The following CHST11 variants were observed in gnomAD, a reference collection of about 807,000 sequenced individuals.
CHST11 encodes C4S-1.
CHST11 carries 9 observed loss-of-function variants against 30.4 expected under a neutral mutation model. The observed-to-expected ratio is 0.30, with a 90% confidence interval of 0.18 to 0.52. The LOEUF (loss-of-function observed/expected upper bound fraction) is 0.52. CHST11 is among the 20% of genes least tolerant of loss of function. The pLI is 0.97. For missense variants in CHST11, 348 were observed against 460.6 expected, an observed-to-expected ratio of 0.76 and a Z score of 2.24; for synonymous variants, 152 against 187.8, an observed-to-expected ratio of 0.81 and a Z score of 1.56.
At chr12:104,697,804 C>A (rs2039959712) in intron 2 of CHST11, among the ~76,000 whole-genome samples, 1 of 152,198 alleles carries the variant, frequency 6.6e-6, no homozygotes, top group Admixed American at 6.5e-5. Flanking sequence ...TTCCTCAGGG[C>A]TCCTGGAGAT....
chr12:104,515,720 G>A (rs1393792182), intron 1 of CHST11, among the ~76,000 whole-genome samples: 2 of 152,240 alleles, frequency 1.3e-5, no homozygotes, highest in East Asian at 3.9e-4. Flanking sequence ...AAGGGCAGGG[G>A]GAGAGAGTGG....
At chr12:104,698,475 A>G (rs935692061) in intron 2 of CHST11, among the ~76,000 whole-genome samples, 1 of 152,194 alleles carries the variant, frequency 6.6e-6, no homozygotes, top group Non-Finnish European at 1.5e-5. Context: ...CCGTAGAGTT[A>G]TCTACCTATC....
At position 104,466,487 on chromosome 12, in the gene CHST11, A is replaced by G. The variant is rs548506686; in HGVS notation, c.118+8958A>G. 2.6e-4 allele frequency among the ~76,000 whole-genome samples: 39 copies of G among 152,362 alleles called. No homozygotes were observed. The South Asian group carries it at 3.1e-3, about 12-fold the overall frequency. On this transcript the variant is annotated intron_variant, in intron 1 of 2. Coordinates refer to ENST00000303694, the MANE Select transcript of CHST11 (RefSeq NM_018413.6). ...TCGTGACCCCATCTCCATGCTTGCC[A>G]GCGGCCAAACAGCCCCAAAGGCAAG... is the stretch of plus-strand genomic sequence containing the variant.
At position 104,544,775 on chromosome 12, in the gene CHST11, CA is replaced by C. The variant is rs559244135; in HGVS notation, c.119-57130del. 5.0e-4 allele frequency among the ~76,000 whole-genome samples: 61 copies of C among 120,842 alleles called. 17 individuals are homozygous for C. The South Asian group carries it at 0.019, about 38-fold the overall frequency. 79.3% of individuals were successfully genotyped at this position (120,842 alleles called of 152,430 possible). A position where few individuals can be genotyped will look rare whatever the true frequency, so the allele number is the denominator to read the frequency against. ...TGTGCCCTGGGGGTCACAGTCCCCC[CA>C]CCCCGGAGATAATGGATTTGGTGCT... On this transcript the variant is annotated intron_variant, in intron 1 of 2. Transcript: ENST00000303694.
Position 104,525,420 on chromosome 12 carries a change from A to G in CHST11, c.118+67891A>G, listed in dbSNP as rs577022566. 9.2e-5 allele frequency among the ~76,000 whole-genome samples: 14 copies of G among 152,362 alleles called. No individual in the cohort carries two copies. In the South Asian group the frequency reaches 2.9e-3, roughly 32 times the overall value. On this transcript the variant is annotated intron_variant, in intron 1 of 2. Coordinates refer to ENST00000303694, the MANE Select transcript of CHST11 (RefSeq NM_018413.6). ...CAGTTGAGAAGAAGAGGATTCCATC[A>G]TCTTTTGAATTAGCATGAGGACAGG...
intron 1 of CHST11, among the ~76,000 whole-genome samples, chr12:104,568,463 C>G (rs1426068910): frequency 6.6e-6 from 1 of 152,148 alleles, no homozygotes; most frequent in Admixed American, 6.5e-5. Context: ...TACACATTTA[C>G]TGATGAGCTG....
chr12:104,623,954 G>C (rs1160582400), intron 2 of CHST11, among the ~76,000 whole-genome samples: 2 of 152,068 alleles, frequency 1.3e-5, no homozygotes, highest in Non-Finnish European at 2.9e-5. Flanking sequence ...TTCTGAAAAT[G>C]GCAAATGAAC....
chr12:104,630,933 T>C (rs2039264104), intron 2 of CHST11, among the ~76,000 whole-genome samples: 1 of 152,156 alleles, frequency 6.6e-6, no homozygotes, highest in Non-Finnish European at 1.5e-5. Context: ...TCTCAGTTGG[T>C]TCAGTTTAAG....
chr12:104,740,903 G>A (rs1410028500), intron 2 of CHST11, among the ~76,000 whole-genome samples: 1 of 152,230 alleles, frequency 6.6e-6, no homozygotes, highest in Non-Finnish European at 1.5e-5. Flanking sequence ...AGCACTCCAC[G>A]ATGGTCTTCC....
chr12:104,605,443 G>A (rs2038995578), intron 2 of CHST11, among the ~76,000 whole-genome samples: 2 of 152,188 alleles, frequency 1.3e-5, no homozygotes, highest in Non-Finnish European at 2.9e-5. Context: ...TATGGGCGTG[G>A]TGGCGGGCGC....
intron 1 of CHST11, among the ~76,000 whole-genome samples, chr12:104,472,762 G>C (rs2037523367): frequency 6.6e-6 from 1 of 152,090 alleles, no homozygotes; most frequent in Admixed American, 6.6e-5. Context: ...AGGGAGAGGA[G>C]GGTGATTGAT....
chr12:104,757,170 G>A lies in CHST11; in HGVS notation c.426G>A (p.Gly142=). The change falls in exon 3 of 3, where the codon GGG becomes GGA. Residue 142 remains glycine, a synonymous_variant. Transcript: ENST00000303694. This position sits in a 1 kb window ranked among gnomAD's most constrained non-coding sequence, Gnocchi z 6.5. The part of the protein sequence containing the change: ...KRLMMVLTGR[G]KYSDPMEIPA... ...TCATGATGGTCCTGACCGGGCGGGG[G>A]AAGTACAGCGACCCCATGGAGATCC... The A allele has an allele frequency of 4.3e-6, 7 of 1,614,120 alleles. No homozygotes were observed. The highest frequency in any genetic ancestry group is 1.1e-5 in the South Asian group (1 of 91,084).
intron 2 of CHST11, among the ~76,000 whole-genome samples, chr12:104,716,349 A>G (rs1195426170): frequency 6.6e-6 from 1 of 152,192 alleles, no homozygotes; most frequent in Non-Finnish European, 1.5e-5. Flanking sequence ...ACCCCCACCC[A>G]GCTGTGTGAC....
Position 104,709,391 on chromosome 12 carries a change from C to T in CHST11, c.205-47558C>T, listed in dbSNP as rs745985249. Among the ~76,000 whole-genome samples, 68 of 152,198 alleles carry T rather than the reference C, an allele frequency of 4.5e-4. 1 individual carries two copies. Among genetic ancestry groups the T allele is most frequent in the Admixed American group, 3.7e-3 (57 of 15,292 alleles). ...GGGGACAGGAAAGCCAAAAGGCAGA[C>T]GTGGCCCTCACAGGCTGTCGTCCGG... On this transcript the variant is annotated intron_variant, in intron 2 of 2. Transcript: ENST00000303694.
chr12:104,556,619 T>G (rs1378300539), intron 1 of CHST11, among the ~76,000 whole-genome samples: 1 of 152,216 alleles, frequency 6.6e-6, no homozygotes, highest in East Asian at 1.9e-4. Context: ...TATCCTCACC[T>G]GACATTCTGC....
In CHST11 at chr12:104,475,658, TTATATATATA is replaced by T. The variant is rs67453124; in HGVS notation, c.118+18153_118+18162del. ...TATGATGCCTCAGAGTAAAGCAGCA[TTATATATATA>T]TATATATATATATATATATATATTT... On this transcript the variant is annotated intron_variant, in intron 1 of 2. Coordinates refer to ENST00000303694, the MANE Select transcript of CHST11 (RefSeq NM_018413.6). Among the ~76,000 whole-genome samples the T allele has an allele frequency of 4.7e-4, 16 of 34,172 alleles. 2 individuals carry two copies. The highest frequency in any genetic ancestry group is 9.8e-4 in the East Asian group (1 of 1,022). The allele number at this position is 34,172 out of a possible 152,430, so 22.4% of individuals were successfully genotyped here. A position where few individuals can be genotyped will look rare whatever the true frequency, so the allele number is the denominator to read the frequency against.
At chr12:104,665,345 GAAGAA>G (rs2039632354) in intron 2 of CHST11, among the ~76,000 whole-genome samples, 1 of 152,198 alleles carries the variant, frequency 6.6e-6, no homozygotes. Flanking sequence ...GAGCAGCATG[GAAGAA>G]AAGAAGAGAG....
At chr12:104,739,817 G>A (rs1204848443) in intron 2 of CHST11, among the ~76,000 whole-genome samples, 1 of 152,192 alleles carries the variant, frequency 6.6e-6, no homozygotes, top group Non-Finnish European at 1.5e-5. Flanking sequence ...GGCCAGGAGA[G>A]TGAATCTTAC....
intron 1 of CHST11, among the ~76,000 whole-genome samples, chr12:104,593,570 G>A (rs1280244710): frequency 6.6e-6 from 1 of 152,178 alleles, no homozygotes; most frequent in Non-Finnish European, 1.5e-5. Context: ...CAACATTTGG[G>A]ACTGCCTATT....
Sources: gnomAD v4.1 joint callset for allele counts (sites outside exome capture counted in the v4.1 genomes callset) on GRCh38, gnomAD v4.1.1 for gene constraint, Gnocchi (gnomAD v3.1) non-coding constraint, MANE v1.5 for transcripts, NCBI Gene and HGNC (gene_info 2026-07-23, HGNC 2026-07-21) for gene names.